The following BRSK2 variants were observed in gnomAD, a reference collection of about 807,000 sequenced individuals.
BRSK2 encodes the protein BR serine/threonine kinase 2.
A neutral mutation model predicts 83.3 loss-of-function variants in BRSK2; 19 were observed. That is an observed-to-expected ratio of 0.23 (90% CI 0.16 to 0.33). The LOEUF is 0.33. Ranked by LOEUF, BRSK2 falls within the 10% of genes least tolerant of loss-of-function variation. The pLI, the probability that BRSK2 is intolerant of heterozygous loss-of-function variation, is 1.00. For missense variants in BRSK2, 798 were observed against 1,042.3 expected (o/e 0.77, Z 3.23); for synonymous variants, 519 against 435.4 (o/e 1.19, Z -2.39).
Position 1,454,628 on chromosome 11 carries a change from G to C in BRSK2, c.1668+20G>C. 6.2e-7 allele frequency: 1 copy of C among 1,611,686 alleles called. No individual in the cohort carries two copies. Among genetic ancestry groups the C allele is most frequent in the South Asian group, 1.1e-5 (1 of 91,006 alleles). On this transcript the variant is annotated intron_variant, in intron 16 of 19. Transcript: ENST00000528841. This position sits in a 1 kb window ranked among gnomAD's most constrained non-coding sequence, Gnocchi z 5.2. The stretch of plus-strand genomic sequence containing the variant: ...CTGTCGGTGAGGCCACAGGGCGCTG[G>C]GGGAGGCGGGCAGCCCTCCCAACCC...
At chr11:1,429,071 ATGGGTGTGTGTCC>A (rs1849604807) in intron 1 of BRSK2, among the ~76,000 whole-genome samples, 1 of 130,688 alleles carries the variant, frequency 7.7e-6, no homozygotes, top group South Asian at 2.5e-4. Flanking sequence ...GTGTGTGTGC[ATGGGTGTGTGTCC>A]TGGGTGCGTG....
At chr11:1,422,068 C>CAT (rs1200139077) in intron 1 of BRSK2, among the ~76,000 whole-genome samples, 8 of 152,116 alleles carry the variant, frequency 5.3e-5, no homozygotes, top group Non-Finnish European at 8.8e-5. Flanking sequence ...GCCTGGGCTG[C>CAT]ATCATCGGGT....
chr11:1,445,092 C>G lies in BRSK2; in HGVS notation c.812+90C>G, dbSNP rs948198064. The G allele has an allele frequency of 3.2e-6, 5 of 1,547,844 alleles. No individual in the cohort carries two copies. The African/African-American group carries it at 5.4e-5, about 17-fold the overall frequency. On this transcript the variant is annotated intron_variant, in intron 9 of 19. Coordinates refer to ENST00000528841, the MANE Select transcript of BRSK2 (RefSeq NM_001256627.2). Reference sequence around the variant, plus strand: ...AGGAAAGGCGGGGGGAGGGCGCCGGCCCAGCGCAGGTCCTGCCCTGCCTTG... The same window carrying G: ...AGGAAAGGCGGGGGGAGGGCGCCGGGCCAGCGCAGGTCCTGCCCTGCCTTG...
chr11:1,446,011 C>A, intron 12 of BRSK2, 104 bp downstream of exon 12: 1 of 1,417,058 alleles, frequency 7.1e-7, no homozygotes, highest in Non-Finnish European at 9.3e-7. Context: ...TCGGCTGAGG[C>A]CATTGGGTGG....
At chr11:1,398,889 CA>C (rs925292773) in intron 1 of BRSK2, among the ~76,000 whole-genome samples, 4 of 152,204 alleles carry the variant, frequency 2.6e-5, no homozygotes, top group African/African-American at 9.6e-5. Flanking sequence ...GGAGCCCCCC[CA>C]GCCCCTCCGC....
chr11:1,391,121 C>T (rs1288535368), intron 1 of BRSK2, among the ~76,000 whole-genome samples: 1 of 152,242 alleles, frequency 6.6e-6, no homozygotes, highest in Admixed American at 6.5e-5. Flanking sequence ...GGGCCGAACC[C>T]AGGCCAGAGG....
At chr11:1,392,547 G>A (rs1359151682) in intron 1 of BRSK2, among the ~76,000 whole-genome samples, 1 of 152,224 alleles carries the variant, frequency 6.6e-6, no homozygotes, top group African/African-American at 2.4e-5. Context: ...CAGTGGCAGT[G>A]GCAGTGAGCC....
Position 1,460,556 on chromosome 11 carries a change from A to G in BRSK2, c.2044A>G (p.Asn682Asp). 4 of 1,530,828 alleles carry G rather than the reference A, an allele frequency of 2.6e-6. 1 individual carries two copies. Among genetic ancestry groups the G allele is most frequent in the East Asian group, 2.5e-5 (1 of 40,736 alleles). The allele number at this position is 1,530,828 out of a possible 1,614,324, so 94.8% of individuals were successfully genotyped here. A position where few individuals can be genotyped will look rare whatever the true frequency, so the allele number is the denominator to read the frequency against. The part of the protein sequence containing the change: ...VIKQLFSDEK[N>D]GQAAQAPSTP... ...TAAACAACTTTTTTCAGACGAGAAGAACGGGCAGGCGGCCCAGGCCCCCAG... is the reference window on the plus strand; with the variant it reads ...TAAACAACTTTTTTCAGACGAGAAGGACGGGCAGGCGGCCCAGGCCCCCAG... Residue 682 changes from asparagine (N) to aspartate (D), a missense_variant, in exon 20 of 20, where the codon AAC becomes GAC. Physicochemically the swap from Asn to Asp is conservative, Grantham distance 23. This residue lies in a region of BRSK2 where 455 missense variants were observed against 455.2 expected (regional missense o/e 1.00). Coordinates refer to ENST00000528841, the MANE Select transcript of BRSK2 (RefSeq NM_001256627.2).
intron 1 of BRSK2, among the ~76,000 whole-genome samples, chr11:1,394,606 ATGGAGATGGGTCC>A (rs1845942835): frequency 1.7e-5 from 1 of 57,566 alleles, no homozygotes; most frequent in Admixed American, 1.8e-4. Context: ...GAGATGGGCC[ATGGAGATGGGTCC>A]TGGAGATGGG....
chr11:1,392,337 C>CA lies in BRSK2; in HGVS notation c.91+1962_91+1963insA, dbSNP rs573206378. Among the ~76,000 whole-genome samples, 115 of 152,368 alleles carry CA rather than the reference C, an allele frequency of 7.5e-4. No homozygotes were observed. In the Middle Eastern group the frequency reaches 0.027, roughly 36 times the overall value. On this transcript the variant is annotated intron_variant, in intron 1 of 19. Transcript: ENST00000528841. ...GACGATCTGATCCTGCCGTTGAGAA[C>CA]GCTTCTCCTTCCAGGGACCTGGCCA...
chr11:1,404,925 C>T (rs1249092371), intron 1 of BRSK2, among the ~76,000 whole-genome samples: 10 of 150,832 alleles, frequency 6.6e-5, no homozygotes, highest in Non-Finnish European at 1.0e-4. Flanking sequence ...CCCCAGCCCT[C>T]GCTGCCCCTG....
chr11:1,461,061 G>C lies in BRSK2; in HGVS notation c.*338G>C, dbSNP rs1006403198. 2.0e-5 allele frequency: 32 copies of C among 1,599,284 alleles called. No individual in the cohort carries two copies. The highest frequency in any genetic ancestry group is 1.3e-4 in the East Asian group (6 of 44,630). The stretch of plus-strand genomic sequence containing the variant: ...GCGGACCCGCCCTCCCTCCGCTCCT[G>C]CTGTTGCTGCCGGGCAGTGAGGCCC... On this transcript the variant is annotated 3_prime_UTR_variant, in exon 20 of 20. Coordinates refer to ENST00000528841, the MANE Select transcript of BRSK2 (RefSeq NM_001256627.2).
chr11:1,414,174 A>G lies in BRSK2; in HGVS notation c.92-21866A>G, dbSNP rs1316804447. On this transcript the variant is annotated intron_variant, in intron 1 of 19. Coordinates refer to ENST00000528841, the MANE Select transcript of BRSK2 (RefSeq NM_001256627.2). ...CGAACTAGGATTTGTGCTGGTCAAA[A>G]ATACCACACCCCAAAGTTGCCATTG... Among the ~76,000 whole-genome samples, 3 of 152,252 alleles carry G rather than the reference A, an allele frequency of 2.0e-5. No individual in the cohort carries two copies. The East Asian group carries it at 5.8e-4, about 29-fold the overall frequency.
At chr11:1,447,995 A>C (rs1198824965) in intron 12 of BRSK2, 2 of 952,118 alleles carry the variant, frequency 2.1e-6, no homozygotes, top group African/African-American at 3.3e-5. Context: ...GAAGCCAGCC[A>C]GCAAGCCAGG....
intron 18 of BRSK2, among the ~76,000 whole-genome samples, chr11:1,458,426 G>A (rs1205649181): frequency 2.0e-5 from 3 of 152,048 alleles, no homozygotes; most frequent in African/African-American, 4.8e-5. Flanking sequence ...GCCTATCCCC[G>A]TGATCTCGCT....
intron 1 of BRSK2, 136 bp from the exon 2 acceptor site, chr11:1,435,903 AG>A: frequency 1.6e-6 from 1 of 609,082 alleles, no homozygotes; most frequent in Non-Finnish European, 2.9e-6. Flanking sequence ...CCAGGCGGGC[AG>A]GGGCCTCCGG....
Position 1,445,808 on chromosome 11 carries a change from G to T in BRSK2, c.1127G>T (p.Arg376Leu). ...CCGATGCTGAACCGGCACGGCAAGC[G>T]GCGGCCAGAACGCAAATCCATGGAG... ...DSPMLNRHGK[R>L]RPERKSMEVL... The change falls in exon 12 of 20, where the codon CGG becomes CTG. Residue 376 changes from arginine to leucine, a missense_variant. By Grantham distance (102) the Arg-to-Leu change is moderately radical (BLOSUM62 -2). Transcript: ENST00000528841. The T allele has an allele frequency of 6.2e-7, 1 of 1,612,486 alleles. No homozygotes were observed.
Position 1,412,576 on chromosome 11 carries a change from C to T in BRSK2, c.91+22201C>T, listed in dbSNP as rs192075818. Among the ~76,000 whole-genome samples, 1,158 of 151,886 alleles carry T rather than the reference C, an allele frequency of 7.6e-3. 19 individuals carry two copies. The highest frequency in any genetic ancestry group is 0.026 in the African/African-American group (1,078 of 41,204). On this transcript the variant is annotated intron_variant, in intron 1 of 19. Transcript: ENST00000528841. ...GTCTGAGCTGTTTGGTAGGCGGGGC[C>T]GAGGGAGCAGGCGCCCTCAGAAAAT...
intron 16 of BRSK2, 84 bp from the exon 17 acceptor site, chr11:1,456,264 C>A: frequency 7.3e-7 from 1 of 1,371,236 alleles, no homozygotes; most frequent in Non-Finnish European, 9.7e-7. Context: ...CACGGTGGGG[C>A]TGGCTCGCCC....
Sources: gnomAD v4.1 joint callset for allele counts (sites outside exome capture counted in the v4.1 genomes callset) on GRCh38, gnomAD v4.1.1 for gene constraint, gnomAD v4.1.1 regional missense constraint, Gnocchi (gnomAD v3.1) non-coding constraint, MANE v1.5 for transcripts, NCBI Gene and HGNC (gene_info 2026-07-23, HGNC 2026-07-21) for gene names.